Variants in PVT1 observed in about 807,000 individuals in gnomAD.
PVT1 encodes CXCR4/PVT1 fusion.
rs374001032 is a variant in PVT1, at chr8:127,901,331, T to G, written n.782+10333T>G. On this transcript the variant is annotated intron_variant and non_coding_transcript_variant, in intron 3 of 10. Coordinates refer to ENST00000651587, the Ensembl canonical transcript of PVT1. Reference sequence around the variant, plus strand: ...AAGTGACCCATTGCAGGAAGAGGGGTGGGGGACCCAGAGTTACTGTAACCA... The same window carrying G: ...AAGTGACCCATTGCAGGAAGAGGGGGGGGGGACCCAGAGTTACTGTAACCA... 3.3e-5 allele frequency among the ~76,000 whole-genome samples: 5 copies of G among 151,960 alleles called. No individual in the cohort carries two copies. In the East Asian group the frequency reaches 7.8e-4, roughly 24 times the overall value.
chr8:127,981,412 C>T (rs765183808), intron 3 of PVT1, among the ~76,000 whole-genome samples: 13 of 152,214 alleles, frequency 8.5e-5, no homozygotes, highest in Non-Finnish European at 4.4e-5. Flanking sequence ...CAGGAAGGTG[C>T]TGCACAGCCT....
At position 128,054,871 on chromosome 8, in the gene PVT1, A is replaced by G. The variant is rs141228973; in HGVS notation, n.913-15289A>G. On this transcript the variant is annotated intron_variant and non_coding_transcript_variant, in intron 4 of 10. Transcript: ENST00000651587. ...CACCAGTCCAGATGTCACTGAAGGT[A>G]TTTTTCAGATGAGATTAACATTTGA... Among the ~76,000 whole-genome samples the G allele has an allele frequency of 3.9e-5, 6 of 152,246 alleles. No individual in the cohort carries two copies. In the South Asian group the frequency reaches 1.0e-3, roughly 26 times the overall value.
At chr8:127,992,729 G>A (rs11786130) in intron 4 of PVT1, among the ~76,000 whole-genome samples, 47,900 of 152,122 alleles carry the variant, frequency 0.31, 8,671 homozygotes, top group Admixed American at 0.52. Flanking sequence ...CCCTGGATAT[G>A]CAGACAGGAT....
chr8:127,855,041 AC>A, intron 2 of PVT1: 1 of 396,444 alleles, frequency 2.5e-6, no homozygotes, highest in Non-Finnish European at 4.4e-6. Context: ...CTGGGATTTG[AC>A]CCCAGACCTG....
intron 4 of PVT1, among the ~76,000 whole-genome samples, chr8:128,019,186 A>G (rs940213208): frequency 6.6e-6 from 1 of 152,182 alleles, no homozygotes; most frequent in African/African-American, 2.4e-5. Context: ...AAGGAAAAGA[A>G]CTCTGAAAAT....
intron 2 of PVT1, among the ~76,000 whole-genome samples, chr8:127,827,320 A>T (rs760283398): frequency 1.4e-4 from 21 of 151,528 alleles, no homozygotes; most frequent in Non-Finnish European, 2.4e-4. Flanking sequence ...TCTAACACTC[A>T]CATGGACTGT....
rs1817441164 is a variant in PVT1 at position 128,021,728 on chromosome 8, C to T, written n.912+32437C>T. On this transcript the variant is annotated intron_variant and non_coding_transcript_variant, in intron 4 of 10. Coordinates refer to ENST00000651587, the Ensembl canonical transcript of PVT1. ...CCATCTTAAAATAGTGCAAAAAGAACCGAATAAATACTCATTTATGTGCTA... is the reference window on the plus strand; with the variant it reads ...CCATCTTAAAATAGTGCAAAAAGAATCGAATAAATACTCATTTATGTGCTA... 4.6e-5 allele frequency among the ~76,000 whole-genome samples: 7 copies of T among 152,152 alleles called. No individual in the cohort carries two copies. In the South Asian group the frequency reaches 1.5e-3, roughly 32 times the overall value.
intron 2 of PVT1, among the ~76,000 whole-genome samples, chr8:127,836,522 G>T (rs1011292773): frequency 5.9e-5 from 9 of 152,256 alleles, no homozygotes; most frequent in Admixed American, 4.6e-4. Flanking sequence ...ATTTTGGAGT[G>T]ACTGCAGTGA....
At chr8:127,947,935 G>A in intron 3 of PVT1, 1 of 457,010 alleles carries the variant, frequency 2.2e-6, no homozygotes. Context: ...AGGAAACTGA[G>A]TGCAAAGTGA....
intron 3 of PVT1, among the ~76,000 whole-genome samples, chr8:127,909,118 A>C (rs115368551): frequency 0.01 from 1,547 of 152,328 alleles, 20 homozygotes; most frequent in African/African-American, 0.034. Flanking sequence ...GAAGGCCCTC[A>C]ATATGGCGTT....
At chr8:128,062,051 TTAATTGA>T (rs1487220069) in intron 4 of PVT1, among the ~76,000 whole-genome samples, 1 of 152,240 alleles carries the variant, frequency 6.6e-6, no homozygotes. Flanking sequence ...AGAAAAGCTC[TTAATTGA>T]TGTGATTAAC....
At chr8:127,878,580 GC>G (rs1322967194) in intron 2 of PVT1, among the ~76,000 whole-genome samples, 1 of 152,010 alleles carries the variant, frequency 6.6e-6, no homozygotes, top group Non-Finnish European at 1.5e-5. Flanking sequence ...GCCACTGTCT[GC>G]CTGTCTTCCT....
At chr8:127,872,002 G>T (rs565147621) in intron 2 of PVT1, among the ~76,000 whole-genome samples, 1 of 152,372 alleles carries the variant, frequency 6.6e-6, no homozygotes, top group Non-Finnish European at 1.5e-5. Flanking sequence ...TGAGGCAGGA[G>T]AATCACTTGA....
At chr8:128,074,674 A>ATC (rs1814061161) in intron 5 of PVT1, among the ~76,000 whole-genome samples, 1 of 152,208 alleles carries the variant, frequency 6.6e-6, no homozygotes, top group Non-Finnish European at 1.5e-5. Flanking sequence ...AATTAAAATA[A>ATC]CTTGTTGAAC....
At chr8:127,932,893 T>A (rs1026337267) in intron 3 of PVT1, among the ~76,000 whole-genome samples, 2 of 152,198 alleles carry the variant, frequency 1.3e-5, no homozygotes, top group Non-Finnish European at 2.9e-5. Context: ...TTAATTTTTC[T>A]GTTCTATTTA....
intron 2 of PVT1, among the ~76,000 whole-genome samples, chr8:127,808,640 G>A (rs1814555662): frequency 6.6e-6 from 1 of 152,112 alleles, no homozygotes; most frequent in Non-Finnish European, 1.5e-5. Context: ...CCCATTTGGG[G>A]ACTGAATTAC....
At chr8:127,982,459 G>A (rs117802705) in intron 3 of PVT1, among the ~76,000 whole-genome samples, 4 of 152,114 alleles carry the variant, frequency 2.6e-5, no homozygotes, top group Non-Finnish European at 2.9e-5. Context: ...TCATGACTTC[G>A]CACTCATGGC....
intron 4 of PVT1, among the ~76,000 whole-genome samples, chr8:128,058,004 G>T (rs1813781578): frequency 6.6e-6 from 1 of 152,182 alleles, no homozygotes; most frequent in South Asian, 2.1e-4. Flanking sequence ...GATCAAATTA[G>T]GGTAAGAGGC....
chr8:127,796,506 C>T (rs939848549), intron 2 of PVT1, among the ~76,000 whole-genome samples: 1 of 152,086 alleles, frequency 6.6e-6, no homozygotes, highest in Non-Finnish European at 1.5e-5. Flanking sequence ...GAGCGGTAGG[C>T]AGGCACTCTG....
Sources: allele counts gnomAD v4.1 joint callset (sites outside exome capture counted in the v4.1 genomes callset), GRCh38; gene constraint gnomAD v4.1.1; transcripts MANE v1.5; gene names NCBI Gene and HGNC (gene_info 2026-07-23, HGNC 2026-07-21).